The following NFKBIZ variants were observed in gnomAD, a reference collection of about 807,000 sequenced individuals.
NFKBIZ encodes NF-kappa-B inhibitor zeta.
Under a neutral mutation model 76.8 loss-of-function variants are expected in NFKBIZ, and 19 were observed. The observed-to-expected ratio is 0.25, with a 90% CI of 0.17 to 0.36. NFKBIZ has a LOEUF of 0.36. Among genes scored for constraint, NFKBIZ ranks in the 10% least tolerant of loss-of-function variants. NFKBIZ has a pLI of 1.00. For missense variants in NFKBIZ, 829 were observed against 910.9 expected (o/e 0.91, Z 1.16); for synonymous variants, 368 against 354.8 (o/e 1.04, Z -0.42).
intron 2 of NFKBIZ, among the ~76,000 whole-genome samples, chr3:101,844,493 A>G (rs61054980): frequency 0.013 from 1,945 of 152,338 alleles, 46 homozygotes; most frequent in African/African-American, 0.044. Context: ...TTTCAAATGT[A>G]AACACAATTG....
intron 2 of NFKBIZ, among the ~76,000 whole-genome samples, chr3:101,842,381 G>A (rs1942796035): frequency 6.6e-6 from 1 of 152,184 alleles, no homozygotes; most frequent in African/African-American, 2.4e-5. Context: ...GTCATTCTAA[G>A]AAGACTGGAC....
upstream of NFKBIZ, among the ~76,000 whole-genome samples, chr3:101,845,884 A>G (rs1166864230): frequency 1.3e-5 from 2 of 152,178 alleles, no homozygotes; most frequent in African/African-American, 4.8e-5. Flanking sequence ...TGTAGACAGT[A>G]CCTCTGAGCC....
intron 3 of NFKBIZ, 30 bp downstream of exon 3, chr3:101,852,798 C>T (rs748647897): frequency 1.9e-6 from 3 of 1,608,722 alleles, no homozygotes; most frequent in Non-Finnish European, 2.5e-6. Context: ...GTAATTTTTT[C>T]AGGGCTTTGG....
At chr3:101,837,945 T>C (rs1942743841) in intron 2 of NFKBIZ, among the ~76,000 whole-genome samples, 1 of 152,234 alleles carries the variant, frequency 6.6e-6, no homozygotes, top group Admixed American at 6.5e-5. Flanking sequence ...AGTACATCTT[T>C]AAGAACTGTT....
chr3:101,857,350 A>G lies in NFKBIZ; in HGVS notation c.1994A>G (p.Gln665Arg), dbSNP rs1455479304. The G allele has an allele frequency of 6.2e-7, 1 of 1,614,140 alleles. No individual in the cohort carries two copies. The highest frequency in any genetic ancestry group is 8.5e-7 in the Non-Finnish European group (1 of 1,180,028). The change falls in exon 11 of 12, where the codon CAA (glutamine) becomes CGA (arginine). Residue 665 changes from glutamine (Q) to arginine (R), a missense_variant. Physicochemically the swap from Gln to Arg is conservative, Grantham distance 43. Coordinates refer to ENST00000326172, the MANE Select transcript of NFKBIZ (RefSeq NM_031419.4). ...GCCAGCTTGCAGTATCGGTTGACAC[A>G]ATTAGATGCTGTCCGCCTGTTGATG... ...VAASLQYRLT[Q>R]LDAVRLLMRK...
chr3:101,853,422 A>T lies in NFKBIZ; in HGVS notation c.896A>T (p.Gln299Leu). The change falls in exon 5 of 12, where the codon CAG (glutamine) becomes CTG (leucine). Residue 299 changes from glutamine to leucine, a missense_variant. This residue lies in a region of NFKBIZ where 371 missense variants were observed against 332.3 expected (regional missense o/e 1.12). Transcript: ENST00000326172. ...YSPQNQHVEQ[Q>L]PHYTHKPTLE... ...CCACAGAACCAGCATGTAGAGCAGC[A>T]GCCACACTACACCCACAAACCAACT... 1 of 1,614,200 alleles carries T rather than the reference A, an allele frequency of 6.2e-7. No individual in the cohort carries two copies. The highest frequency in any genetic ancestry group is 1.7e-5 in the Admixed American group (1 of 60,032).
intron 2 of NFKBIZ, among the ~76,000 whole-genome samples, chr3:101,839,438 A>T (rs1279076446): frequency 6.6e-6 from 1 of 152,222 alleles, no homozygotes; most frequent in Non-Finnish European, 1.5e-5. Context: ...TTTGCAAAAC[A>T]TAAATTCTAA....
At chr3:101,842,276 A>C (rs1396894848) in intron 2 of NFKBIZ, among the ~76,000 whole-genome samples, 2 of 152,218 alleles carry the variant, frequency 1.3e-5, no homozygotes, top group Non-Finnish European at 2.9e-5. Context: ...CAGCAAGAGC[A>C]AAGTCTCAGA....
At chr3:101,853,995 A>G (rs186690657) in intron 5 of NFKBIZ, 132 bp downstream of exon 5, 3 of 859,090 alleles carry the variant, frequency 3.5e-6, no homozygotes, top group Non-Finnish European at 5.3e-6. Context: ...ACTGGTGTAG[A>G]TAGAAACCGC....
chr3:101,844,295 G>A (rs373438652), intron 2 of NFKBIZ, among the ~76,000 whole-genome samples: 6 of 152,206 alleles, frequency 3.9e-5, no homozygotes, highest in Admixed American at 2.6e-4. Flanking sequence ...TTAAAATGAT[G>A]TATACAAGAG....
rs1489452958 is a variant in NFKBIZ at position 101,855,786 on chromosome 3, C to G, written c.1708C>G (p.Leu570Val). The G allele has an allele frequency of 1.2e-6, 2 of 1,614,018 alleles. No homozygotes were observed. Among genetic ancestry groups the G allele is most frequent in the Non-Finnish European group, 1.7e-6 (2 of 1,179,964 alleles). The change falls in exon 9 of 12, where the codon CTC (leucine) becomes GTC (valine). Residue 570 changes from leucine to valine, a missense_variant. Physicochemically the swap from Leu to Val is conservative, Grantham distance 32. Coordinates refer to ENST00000326172, the MANE Select transcript of NFKBIZ (RefSeq NM_031419.4). ...VIAHNAVVHE[L>V]QRNQQPHSPE... ...AGCCCACAATGCTGTGGTCCATGAA[C>G]TCCAGAGAAATCAACAGCCTCATTC...
chr3:101,829,250 C>A (rs192005208), intron 1 of NFKBIZ, among the ~76,000 whole-genome samples: 2 of 152,272 alleles, frequency 1.3e-5, no homozygotes, highest in African/African-American at 2.4e-5. Context: ...CAGAGTCAGT[C>A]TGAGAGGAGT....
At position 101,853,961 on chromosome 3, in the gene NFKBIZ, G is replaced by A. The variant is rs1943009480; in HGVS notation, c.1337+98G>A. On this transcript the variant is annotated intron_variant, in intron 5 of 11. Coordinates refer to ENST00000326172, the MANE Select transcript of NFKBIZ (RefSeq NM_031419.4). ...CTAGGGTATAACAAGGTATACCTTA[G>A]TTAGTGGTTGGCTAACCAAGATGAC... is the stretch of plus-strand genomic sequence containing the variant. 7.6e-6 allele frequency: 9 copies of A among 1,182,178 alleles called. 1 individual carries two copies. In the South Asian group the frequency reaches 1.2e-4, roughly 16 times the overall value. The allele number at this position is 1,182,178 out of a possible 1,614,324, so 73.2% of individuals were successfully genotyped here. A position where few individuals can be genotyped will look rare whatever the true frequency, so the allele number is the denominator to read the frequency against.
At position 101,849,762 on chromosome 3, in the gene NFKBIZ, C is replaced by G. The variant is rs1394272610; in HGVS notation, c.134C>G (p.Pro45Arg). The G allele has an allele frequency of 2.1e-6, 3 of 1,453,084 alleles. No homozygotes were observed. The highest frequency in any genetic ancestry group is 1.3e-5 in the South Asian group (1 of 75,038). The allele number at this position is 1,453,084 out of a possible 1,614,324, so 90.0% of individuals were successfully genotyped here. ...FYGASPPAAA[P>R]GACDASCSVL... ...GGCGCGTCGCCGCCCGCCGCCGCCC[C>G]GGGCGCCTGCGACGCCAGCTGCTCG... The change falls in exon 1 of 12, where the codon CCG (proline) becomes CGG (arginine). Residue 45 changes from proline (P) to arginine (R), a missense_variant. This residue lies in a region of NFKBIZ where 181 missense variants were observed against 175.3 expected (regional missense o/e 1.03). Transcript: ENST00000326172.
intron 11 of NFKBIZ, 113 bp downstream of exon 11, chr3:101,857,572 T>G: frequency 6.6e-7 from 1 of 1,515,194 alleles, no homozygotes; most frequent in Non-Finnish European, 8.8e-7. Context: ...GTGGACTCTA[T>G]CAGTGTCTGT....
chr3:101,832,172 C>G (rs546146541), intron 2 of NFKBIZ, among the ~76,000 whole-genome samples: 165 of 152,206 alleles, frequency 1.1e-3, no homozygotes, highest in African/African-American at 3.9e-3. Flanking sequence ...CTCCTGGCCT[C>G]AAGGGATCTT....
rs1478102312 is a variant in NFKBIZ, at chr3:101,853,095, C to T, written c.569C>T (p.Pro190Leu). The change falls in exon 5 of 12, where the codon CCA (proline) becomes CTA (leucine). Residue 190 changes from proline (P) to leucine (L), a missense_variant. Around this residue, in one of 4 missense-constraint regions of NFKBIZ, gnomAD observed 371 missense variants for 332.3 expected, o/e 1.12. Coordinates refer to ENST00000326172, the MANE Select transcript of NFKBIZ (RefSeq NM_031419.4). ...TTGCATTTTCCTTCTTTCCAGACAC[C>T]ACCTCAAACACCAACGCCCGGGGAG... ...PALLHSQFLT[P>L]PQTPTPGESM... 2 of 1,612,304 alleles carry T rather than the reference C, an allele frequency of 1.2e-6. No homozygotes were observed. Among genetic ancestry groups the T allele is most frequent in the East Asian group, 2.2e-5 (1 of 44,866 alleles).
At chr3:101,831,745 A>T (rs1458231206) in intron 2 of NFKBIZ, among the ~76,000 whole-genome samples, 1 of 151,768 alleles carries the variant, frequency 6.6e-6, no homozygotes, top group Non-Finnish European at 1.5e-5. Flanking sequence ...AGTTTAAGTG[A>T]TTCTCATGCC....
upstream of NFKBIZ, chr3:101,849,067 A>C (rs1211303839): frequency 6.6e-6 from 1 of 152,350 alleles, no homozygotes; most frequent in South Asian, 2.1e-4. Flanking sequence ...AGGACTTGCC[A>C]GTCCCCAAGA....
Sources: allele counts gnomAD v4.1 joint callset (sites outside exome capture counted in the v4.1 genomes callset), GRCh38; gene constraint gnomAD v4.1.1; regional missense constraint gnomAD v4.1.1; transcripts MANE v1.5; gene names NCBI Gene and HGNC (gene_info 2026-07-23, HGNC 2026-07-21).